Variants in DOCK3 observed in about 807,000 individuals in gnomAD.
The protein encoded by DOCK3 is dedicator of cytokinesis protein 3.
DOCK3 carries 60 observed loss-of-function variants against 265.6 expected under a neutral mutation model. The observed-to-expected ratio is 0.23, with a 90% CI of 0.18 to 0.28. The LOEUF is 0.28. Among genes scored for constraint, DOCK3 ranks in the 10% least tolerant of loss-of-function variants. The probability of loss-of-function intolerance (pLI) is 1.00; values close to 1 mark genes in which losing one functional copy is unlikely to be tolerated. For missense variants in DOCK3, 1,981 were observed against 2,594.3 expected (o/e 0.76, Z 5.14); for synonymous variants, 881 against 938.0 (o/e 0.94, Z 1.11).
chr3:50,684,575 T>C (rs1485498530), intron 1 of DOCK3, among the ~76,000 whole-genome samples: 1 of 152,206 alleles, frequency 6.6e-6, no homozygotes, highest in Non-Finnish European at 1.5e-5. Context: ...GATTCCAGTA[T>C]GAATCCCTCT....
At chr3:51,078,019 A>C (rs1407140072) in intron 7 of DOCK3, among the ~76,000 whole-genome samples, 4 of 150,766 alleles carry the variant, frequency 2.7e-5, no homozygotes, top group Non-Finnish European at 5.9e-5. Flanking sequence ...CGGACCTCAC[A>C]ATTTTGCAAT....
chr3:50,916,018 C>T (rs545560512), intron 4 of DOCK3, among the ~76,000 whole-genome samples: 3 of 152,102 alleles, frequency 2.0e-5, no homozygotes, highest in Admixed American at 1.3e-4. Flanking sequence ...CATGTCTGCT[C>T]GCCCCCAGAG....
intron 49 of DOCK3, among the ~76,000 whole-genome samples, chr3:51,367,542 G>C (rs1421655149): frequency 6.6e-6 from 1 of 152,192 alleles, no homozygotes; most frequent in African/African-American, 2.4e-5. Context: ...TATGATGTTA[G>C]CTGGTTATTT....
At chr3:50,696,215 T>C (rs1380368583) in intron 1 of DOCK3, among the ~76,000 whole-genome samples, 1 of 152,202 alleles carries the variant, frequency 6.6e-6, no homozygotes, top group Non-Finnish European at 1.5e-5. Flanking sequence ...GAAAGAGCTG[T>C]TTCCAGTCAG....
At chr3:51,286,520 A>G (rs1234738486) in intron 27 of DOCK3, among the ~76,000 whole-genome samples, 3 of 152,236 alleles carry the variant, frequency 2.0e-5, no homozygotes, top group African/African-American at 7.2e-5. Context: ...AGCAGTCCTA[A>G]GCAAAAAGAA....
At chr3:50,972,913 AG>A (rs2077285751) in intron 5 of DOCK3, among the ~76,000 whole-genome samples, 1 of 149,892 alleles carries the variant, frequency 6.7e-6, no homozygotes, top group Admixed American at 6.6e-5. Context: ...ATTCCATACA[AG>A]TTTTAGCATG....
intron 1 of DOCK3, among the ~76,000 whole-genome samples, chr3:50,695,535 G>A (rs1322490026): frequency 1.3e-5 from 2 of 152,188 alleles, no homozygotes; most frequent in Non-Finnish European, 2.9e-5. Flanking sequence ...ATTAATATCA[G>A]ATGTAATCTG....
At chr3:51,006,711 T>A (rs2078689700) in intron 5 of DOCK3, among the ~76,000 whole-genome samples, 1 of 152,148 alleles carries the variant, frequency 6.6e-6, no homozygotes, top group African/African-American at 2.4e-5. Flanking sequence ...GCTGTGTTGG[T>A]TTGCTGCACC....
intron 4 of DOCK3, among the ~76,000 whole-genome samples, chr3:50,916,658 A>G (rs967765290): frequency 6.6e-6 from 1 of 151,870 alleles, no homozygotes; most frequent in Admixed American, 6.6e-5. Context: ...AGTAGAAAAA[A>G]ATTAGCTGGG....
At chr3:51,163,621 C>G (rs180888443) in intron 12 of DOCK3, among the ~76,000 whole-genome samples, 1 of 151,572 alleles carries the variant, frequency 6.6e-6, no homozygotes, top group East Asian at 1.9e-4. Context: ...GAGCTAAAGC[C>G]AACATTGGAG....
chr3:51,157,412 A>G (rs2085904398), intron 10 of DOCK3, among the ~76,000 whole-genome samples: 1 of 151,852 alleles, frequency 6.6e-6, no homozygotes, highest in Non-Finnish European at 1.5e-5. Context: ...CACCCTGCTA[A>G]TTTTTGTATT....
At chr3:51,310,580 T>G (rs1467210091) in intron 28 of DOCK3, among the ~76,000 whole-genome samples, 1 of 152,244 alleles carries the variant, frequency 6.6e-6, no homozygotes, top group Non-Finnish European at 1.5e-5. Context: ...GCCTGCTCAG[T>G]GGCCCACTGG....
intron 7 of DOCK3, among the ~76,000 whole-genome samples, chr3:51,079,221 G>A (rs1324663996): frequency 2.6e-5 from 4 of 152,266 alleles, no homozygotes; most frequent in Admixed American, 2.0e-4. Context: ...TGCACTCATA[G>A]CATTTTTTAA....
chr3:50,677,864 G>A (rs2034098109), intron 1 of DOCK3, among the ~76,000 whole-genome samples: 1 of 152,188 alleles, frequency 6.6e-6, no homozygotes, highest in Non-Finnish European at 1.5e-5. Flanking sequence ...CATTTAGGAT[G>A]AGGTGATGAC....
At chr3:51,041,468 C>T (rs1474115885) in intron 5 of DOCK3, among the ~76,000 whole-genome samples, 1 of 151,732 alleles carries the variant, frequency 6.6e-6, no homozygotes, top group African/African-American at 2.4e-5. Flanking sequence ...TTGCCCGCCT[C>T]AGCTTCCCAA....
chr3:51,265,048 C>G, intron 23 of DOCK3, among the ~76,000 whole-genome samples: 1 of 152,022 alleles, frequency 6.6e-6, no homozygotes, highest in East Asian at 1.9e-4. Context: ...GAAATAGAAA[C>G]TACCATCAGA....
chr3:50,748,608 GAA>G (rs2039600631), intron 1 of DOCK3, among the ~76,000 whole-genome samples: 2 of 152,296 alleles, frequency 1.3e-5, no homozygotes, highest in African/African-American at 4.8e-5. Context: ...TACAATCTCT[GAA>G]AAACAGTGCT....
chr3:50,935,224 T>C (rs2051290206), intron 5 of DOCK3, among the ~76,000 whole-genome samples: 1 of 152,194 alleles, frequency 6.6e-6, no homozygotes, highest in South Asian at 2.1e-4. Context: ...TACTGTTCTC[T>C]AAGAGAACAG....
intron 2 of DOCK3, among the ~76,000 whole-genome samples, chr3:50,833,349 A>T (rs2045309337): frequency 1.3e-5 from 2 of 152,234 alleles, no homozygotes; most frequent in Admixed American, 6.5e-5. Context: ...AAATCATAAT[A>T]GGACCAATTT....
Sources: allele counts gnomAD v4.1 joint callset (sites outside exome capture counted in the v4.1 genomes callset), GRCh38; gene constraint gnomAD v4.1.1; transcripts MANE v1.5; gene names NCBI Gene and HGNC (gene_info 2026-07-23, HGNC 2026-07-21).